Variants in FMO1 observed in about 807,000 individuals in gnomAD.
FMO1 encodes flavin containing dimethylaniline monoxygenase 1.
In FMO1, 36 loss-of-function variants were observed where a neutral mutation model predicts 45.4. The observed-to-expected ratio is 0.79, with a 90% CI of 0.61 to 1.05. The LOEUF (loss-of-function observed/expected upper bound fraction) is 1.05. FMO1 is among the 50% of genes least tolerant of loss of function. The pLI is 0.00. For synonymous variants in FMO1, 228 were observed against 227.2 expected (o/e 1.00, Z -0.03); for missense variants, 615 against 640.3 (o/e 0.96, Z 0.43).
In FMO1 at chr1:171,275,502, T is replaced by C. The variant is rs1661071313; in HGVS notation, c.478T>C (p.Phe160Leu). The C allele has an allele frequency of 1.9e-6, 3 of 1,609,840 alleles. No individual in the cohort carries two copies. The highest frequency in any genetic ancestry group is 2.5e-6 in the Non-Finnish European group (3 of 1,177,656). Residue 160 changes from phenylalanine to leucine, a missense_variant, in exon 4 of 9, where the codon TTT becomes CTT. Physicochemically the swap from Phe to Leu is conservative, Grantham distance 22. Coordinates refer to ENST00000617670, the MANE Select transcript of FMO1 (RefSeq NM_001282693.2). The part of the protein sequence containing the change: ...LTNPYLPLDS[F>L]PGINAFKGQY... ...TAATCCTTATTTGCCACTGGATTCC[T>C]TTCCAGGTACAGCATTTTCTGTAAC...
At chr1:171,270,490 A>G in intron 3 of FMO1, 1 of 797,364 alleles carries the variant, frequency 1.3e-6, no homozygotes, top group Non-Finnish European at 1.5e-6. Flanking sequence ...GAAAAGGACA[A>G]CAATACTAAT....
Position 171,281,145 on chromosome 1 carries a change from C to A in FMO1, c.827+160C>A, listed in dbSNP as rs149012647. On this transcript the variant is annotated intron_variant, in intron 6 of 8. Transcript: ENST00000617670. The stretch of plus-strand genomic sequence containing the variant: ...TAACAGCTAACTGTTCTTAAGTACT[C>A]AGAAAGTGAAATTATGTATTTCACC... 8.9e-4 allele frequency among the ~76,000 whole-genome samples: 135 copies of A among 152,226 alleles called. 1 individual carries two copies. The highest frequency in any genetic ancestry group is 1.0e-3 in the Non-Finnish European group (70 of 68,024).
At chr1:171,269,647 C>T (rs10912698) in intron 3 of FMO1, among the ~76,000 whole-genome samples, 19,344 of 152,084 alleles carry the variant, frequency 0.13, 1,282 homozygotes, top group Admixed American at 0.17. Flanking sequence ...CTTAAGAAAA[C>T]GATAATCTTG....
At chr1:171,279,343 G>A (rs529301749) in intron 5 of FMO1, among the ~76,000 whole-genome samples, 11 of 152,122 alleles carry the variant, frequency 7.2e-5, no homozygotes, top group Admixed American at 1.3e-4. Flanking sequence ...TTCTGTGGCC[G>A]GCACTGCACT....
intron 1 of FMO1, among the ~76,000 whole-genome samples, chr1:171,250,796 A>AT (rs1466667422): frequency 4.6e-5 from 7 of 151,946 alleles, no homozygotes; most frequent in Non-Finnish European, 8.8e-5. Context: ...TCTCTTATTT[A>AT]TTTTATATTT....
intron 4 of FMO1, among the ~76,000 whole-genome samples, chr1:171,277,089 A>T (rs537413573): frequency 6.6e-6 from 1 of 152,298 alleles, no homozygotes; most frequent in South Asian, 2.1e-4. Flanking sequence ...CTGTCAATTT[A>T]AAATCCCTGG....
chr1:171,257,875 G>T, intron 1 of FMO1: 1 of 539,718 alleles, frequency 1.9e-6, no homozygotes, highest in Non-Finnish European at 3.3e-6. Context: ...CACTGGTGCT[G>T]CATGAGGGGC....
At chr1:171,253,105 A>C (rs745865941) in intron 1 of FMO1, among the ~76,000 whole-genome samples, 1 of 152,138 alleles carries the variant, frequency 6.6e-6, no homozygotes, top group Non-Finnish European at 1.5e-5. Flanking sequence ...GAAAACTTAA[A>C]AGAAAAAAAC....
chr1:171,274,935 C>T (rs920670262), intron 3 of FMO1, among the ~76,000 whole-genome samples: 1 of 152,166 alleles, frequency 6.6e-6, no homozygotes, highest in African/African-American at 2.4e-5. Context: ...AGCTAATATA[C>T]ACAGGACCAA....
intron 2 of FMO1, among the ~76,000 whole-genome samples, chr1:171,266,140 G>A (rs535073484): frequency 1.2e-4 from 18 of 152,108 alleles, no homozygotes; most frequent in South Asian, 8.3e-4. Context: ...TTAAAACATC[G>A]CACATGATAA....
chr1:171,261,264 T>C (rs1660366532), intron 2 of FMO1, among the ~76,000 whole-genome samples: 1 of 152,000 alleles, frequency 6.6e-6, no homozygotes, highest in Non-Finnish European at 1.5e-5. Context: ...TAATATGCGA[T>C]GAGTCTCCTG....
chr1:171,263,151 A>G lies in FMO1; in HGVS notation c.133-4392A>G, dbSNP rs570543585. Among the ~76,000 whole-genome samples, 50 of 152,354 alleles carry G rather than the reference A, an allele frequency of 3.3e-4. 1 individual carries two copies. The highest frequency in any genetic ancestry group is 1.1e-3 in the African/African-American group (47 of 41,592). The stretch of plus-strand genomic sequence containing the variant: ...TACAAGCTTAAGAAAGTAAATTTCC[A>G]TGGTAGCTGTGAAAGAATAATACAA... On this transcript the variant is annotated intron_variant, in intron 2 of 8. Transcript: ENST00000617670.
chr1:171,281,485 A>T (rs930888786), intron 6 of FMO1, among the ~76,000 whole-genome samples: 2 of 152,248 alleles, frequency 1.3e-5, no homozygotes, highest in Non-Finnish European at 2.9e-5. Context: ...GGCTCAGCTT[A>T]TACAAGATCA....
At chr1:171,268,932 C>G (rs1381062447) in intron 3 of FMO1, among the ~76,000 whole-genome samples, 1 of 152,164 alleles carries the variant, frequency 6.6e-6, no homozygotes, top group Admixed American at 6.6e-5. Context: ...TGCTGTTCTC[C>G]TGATAGTGAA....
chr1:171,252,747 T>C (rs1659954236), intron 1 of FMO1, among the ~76,000 whole-genome samples: 1 of 152,220 alleles, frequency 6.6e-6, no homozygotes, highest in South Asian at 2.1e-4. Context: ...CAGCCTTTTC[T>C]GGCAGAGGCT....
At chr1:171,248,910 T>C (rs1659749466) in intron 1 of FMO1, among the ~76,000 whole-genome samples, 1 of 150,756 alleles carries the variant, frequency 6.6e-6, no homozygotes, top group African/African-American at 2.4e-5. Context: ...GTTGGGTAGA[T>C]TATTAAGTGG....
At chr1:171,269,373 C>T (rs1660755145) in intron 3 of FMO1, among the ~76,000 whole-genome samples, 1 of 152,072 alleles carries the variant, frequency 6.6e-6, no homozygotes, top group African/African-American at 2.4e-5. Context: ...CAATAAAGTC[C>T]AGGCTGAGAT....
At position 171,285,717 on chromosome 1, in the gene FMO1, C is replaced by T. The variant is rs1161049859; in HGVS notation, c.*173C>T. ...ACTGGTATTCCTGAGCCTCTCCCAG[C>T]TCCACTTCTAATGCTAGAGAATGAT... is the stretch of plus-strand genomic sequence containing the variant. On this transcript the variant is annotated 3_prime_UTR_variant, in exon 9 of 9. Coordinates refer to ENST00000617670, the MANE Select transcript of FMO1 (RefSeq NM_001282693.2). 1 of 412,006 alleles carries T rather than the reference C, an allele frequency of 2.4e-6. No homozygotes were observed. Among genetic ancestry groups the T allele is most frequent in the Non-Finnish European group, 4.2e-6 (1 of 235,654 alleles). The allele number at this position is 412,006 out of a possible 1,614,324, so 25.5% of individuals were successfully genotyped here.
intron 1 of FMO1, among the ~76,000 whole-genome samples, chr1:171,256,404 A>G (rs180821800): frequency 4.6e-5 from 7 of 152,130 alleles, no homozygotes; most frequent in Admixed American, 3.9e-4. Context: ...TCTGAAACAC[A>G]TGTGTCTACC....
Sources: gnomAD v4.1 joint callset for allele counts (sites outside exome capture counted in the v4.1 genomes callset) on GRCh38, gnomAD v4.1.1 for gene constraint, MANE v1.5 for transcripts, NCBI Gene and HGNC (gene_info 2026-07-23, HGNC 2026-07-21) for gene names.